Variants in LSM11 observed in about 807,000 individuals in gnomAD.
LSM11 encodes the protein U7 snRNA-associated Sm-like protein LSm11.
Under a neutral mutation model 28.1 loss-of-function variants are expected in LSM11, and 14 were observed. The observed-to-expected ratio is 0.50, with a 90% CI of 0.33 to 0.78. LSM11 has a LOEUF of 0.78. Ranked by LOEUF, LSM11 falls within the 30% of genes least tolerant of loss-of-function variation. The pLI is 0.02. For synonymous variants in LSM11, 207 were observed against 214.2 expected (o/e 0.97, Z 0.30); for missense variants, 495 against 510.6 (o/e 0.97, Z 0.30).
rs1388077280 is a variant in LSM11, at chr5:157,743,808, C to T, written c.58C>T (p.Pro20Ser). 1.1e-5 allele frequency: 16 copies of T among 1,495,440 alleles called. No individual in the cohort carries two copies. The highest frequency in any genetic ancestry group is 5.5e-5 in the East Asian group (2 of 36,408). 92.6% of individuals were successfully genotyped at this position (1,495,440 alleles called of 1,614,324 possible). ...SAGAGSPARP[P>S]SPRLDVSSDS... ...TGGCGCCGGGAGCCCCGCGCGCCCG[C>T]CCAGCCCGCGGCTGGATGTCAGCTC... Residue 20 changes from proline (P) to serine (S), a missense_variant, in exon 1 of 4, where the codon CCC becomes TCC. Pro to Ser is a moderately conservative substitution (Grantham distance 74). Transcript: ENST00000286307.
At chr5:157,754,421 T>C (rs759832035) in intron 3 of LSM11, among the ~76,000 whole-genome samples, 7 of 152,078 alleles carry the variant, frequency 4.6e-5, no homozygotes, top group Non-Finnish European at 8.8e-5. Flanking sequence ...TGGCCAGGCG[T>C]GGTGGCTCAT....
Position 157,755,087 on chromosome 5 carries a change from A to G in LSM11, c.906A>G (p.Thr302=). ...GGTCAGAGCTGTCAGGGAGGACTAC[A>G]CGGACAGACGGCTCCAGTGTGGGAG... is the stretch of plus-strand genomic sequence containing the variant. ...ESRSELSGRT[T]RTDGSSVGGT... The change falls in exon 4 of 4, where the codon ACA becomes ACG. Residue 302 remains threonine, a synonymous_variant. Transcript: ENST00000286307. 6.2e-7 allele frequency: 1 copy of G among 1,614,170 alleles called. No individual in the cohort carries two copies. Among genetic ancestry groups the G allele is most frequent in the Non-Finnish European group, 8.5e-7 (1 of 1,180,022 alleles).
Position 157,751,383 on chromosome 5 carries a change from G to T in LSM11, c.449-7G>T. On this transcript the variant is annotated splice_region_variant and splice_polypyrimidine_tract_variant and intron_variant, in intron 1 of 3. Transcript: ENST00000286307. ...AAACTGTCCTGACTGTTCTTCTCTTGTTTCAGTGCACGAAGGCAGCCCTCT... is the reference window on the plus strand; with the variant it reads ...AAACTGTCCTGACTGTTCTTCTCTTTTTTCAGTGCACGAAGGCAGCCCTCT... The T allele has an allele frequency of 6.3e-7, 1 of 1,577,866 alleles. No individual in the cohort carries two copies. Among genetic ancestry groups the T allele is most frequent in the South Asian group, 1.2e-5 (1 of 85,676 alleles).
chr5:157,755,275 C>G lies in LSM11; in HGVS notation c.*11C>G, dbSNP rs1381426359. The G allele has an allele frequency of 1.2e-6, 2 of 1,609,426 alleles. No individual in the cohort carries two copies. The highest frequency in any genetic ancestry group is 1.7e-6 in the Non-Finnish European group (2 of 1,177,526). On this transcript the variant is annotated 3_prime_UTR_variant, in exon 4 of 4. Transcript: ENST00000286307. ...CATCTTGCACAGTGACCAGCTCAGC[C>G]TGAGCTTTGGTTTTTAGAAATAAAG...
At chr5:157,744,947 C>T (rs1761124338) in intron 1 of LSM11, among the ~76,000 whole-genome samples, 1 of 148,832 alleles carries the variant, frequency 6.7e-6, no homozygotes, top group Non-Finnish European at 1.5e-5. Context: ...AGCCACTCTG[C>T]CTGGCTGGGT....
intron 1 of LSM11, 86 bp from the exon 2 acceptor site, chr5:157,751,304 G>A (rs1298261632): frequency 8.4e-6 from 12 of 1,432,964 alleles, no homozygotes; most frequent in Non-Finnish European, 1.1e-5. Context: ...GCCACATGTT[G>A]CTGGCCGAAG....
chr5:157,749,580 G>GCACA (rs918151292), intron 1 of LSM11, among the ~76,000 whole-genome samples: 1 of 84,262 alleles, frequency 1.2e-5, no homozygotes, highest in African/African-American at 5.5e-5. Flanking sequence ...ACACGCGCGC[G>GCACA]CACGCGCGCA....
intron 3 of LSM11, among the ~76,000 whole-genome samples, chr5:157,754,404 A>G (rs1046651758): frequency 1.3e-5 from 2 of 152,154 alleles, no homozygotes; most frequent in Admixed American, 6.5e-5. Context: ...TAGAAATAGG[A>G]AATTTATGGC....
In LSM11 at chr5:157,744,123, GGGGCCGCAGGAGC is replaced by G. The variant is rs1561618493; in HGVS notation, c.380_392del (p.Ala127GlyfsTer37). The G allele has an allele frequency of 6.8e-7, 1 of 1,478,770 alleles. No individual in the cohort carries two copies. The highest frequency in any genetic ancestry group is 8.9e-7 in the Non-Finnish European group (1 of 1,119,152). 91.6% of individuals were successfully genotyped at this position (1,478,770 alleles called of 1,614,324 possible). On this transcript the variant is annotated frameshift_variant, in exon 1 of 4. Transcript: ENST00000286307. LOFTEE classifies it high-confidence loss of function. ...CATGGTGGCCAAAGAGGAAGGGGAC[GGGGCCGCAGGAGC>G]GGGCCGGAGGGGTCCGGGTCGGAGC... is the stretch of plus-strand genomic sequence containing the variant.
At chr5:157,749,492 T>C (rs1248490657) in intron 1 of LSM11, among the ~76,000 whole-genome samples, 1 of 152,202 alleles carries the variant, frequency 6.6e-6, no homozygotes, top group African/African-American at 2.4e-5. Context: ...TTCATCAGGT[T>C]CACACAACTA....
chr5:157,755,170 A>C lies in LSM11; in HGVS notation c.989A>C (p.Lys330Thr). Residue 330 changes from lysine to threonine, a missense_variant, in exon 4 of 4, where the codon AAG (lysine) becomes ACG (threonine). By Grantham distance (78) the Lys-to-Thr change is moderately conservative. Transcript: ENST00000286307. ...SRGQSRKKKR[K>T]PKVDYQQVFT... ...GGCCAGTCCCGTAAGAAAAAGCGAA[A>C]GCCCAAAGTGGATTACCAGCAGGTA... 1 of 1,614,226 alleles carries C rather than the reference A, an allele frequency of 6.2e-7. No individual in the cohort carries two copies.
chr5:157,755,593 A>G lies in LSM11; in HGVS notation c.*329A>G, dbSNP rs1761312377. ...GATATGAGTGGAATTTACATTTTAG[A>G]TACTATAGGGGAAAGAAAAGTCTCA... is the stretch of plus-strand genomic sequence containing the variant. On this transcript the variant is annotated 3_prime_UTR_variant, in exon 4 of 4. Coordinates refer to ENST00000286307, the MANE Select transcript of LSM11 (RefSeq NM_173491.4). 1 of 472,852 alleles carries G rather than the reference A, an allele frequency of 2.1e-6. No individual in the cohort carries two copies. The allele number at this position is 472,852 out of a possible 1,614,324, so 29.3% of individuals were successfully genotyped here.
At position 157,744,214 on chromosome 5, in the gene LSM11, G is replaced by T. The variant is rs987124461; in HGVS notation, c.448+16G>T. Reference sequence around the variant, plus strand: ...CGAATGCCCTGTGAGTCCGCGGGCCGGGCGGGAAGCGGGGCAGCCGCCGTC... The same window carrying T: ...CGAATGCCCTGTGAGTCCGCGGGCCTGGCGGGAAGCGGGGCAGCCGCCGTC... On this transcript the variant is annotated intron_variant, in intron 1 of 3. Coordinates refer to ENST00000286307, the MANE Select transcript of LSM11 (RefSeq NM_173491.4). 2.4e-6 allele frequency: 3 copies of T among 1,259,448 alleles called. No individual in the cohort carries two copies. The highest frequency in any genetic ancestry group is 3.0e-6 in the Non-Finnish European group (3 of 1,002,136). The allele number at this position is 1,259,448 out of a possible 1,614,324, so 78.0% of individuals were successfully genotyped here.
In LSM11 at chr5:157,756,726, C is replaced by T. The variant is rs1164746626; in HGVS notation, c.*1462C>T. On this transcript the variant is annotated 3_prime_UTR_variant, in exon 4 of 4. Transcript: ENST00000286307. ...TTTTTCCCCACAGACACCTACCTCA[C>T]AGGGGCATTGAGAAAAAAAAAATGA... 2 of 152,172 alleles carry T rather than the reference C, an allele frequency of 1.3e-5. No individual in the cohort carries two copies. The highest frequency in any genetic ancestry group is 2.9e-5 in the Non-Finnish European group (2 of 67,968). The allele number at this position is 152,172 out of a possible 1,614,324, so 9.4% of individuals were successfully genotyped here.
Sources: gnomAD v4.1 joint callset for allele counts (sites outside exome capture counted in the v4.1 genomes callset) on GRCh38, gnomAD v4.1.1 for gene constraint, MANE v1.5 for transcripts, NCBI Gene and HGNC (gene_info 2026-07-23, HGNC 2026-07-21) for gene names.